Variants in TEX11 observed in about 807,000 individuals in gnomAD.
TEX11 encodes testis expressed 11.
A neutral mutation model predicts 84.4 loss-of-function variants in TEX11; 7 were observed. The ratio of observed to expected loss-of-function variants is 0.08; its 90% CI spans 0.05 to 0.16. The LOEUF is 0.16. TEX11 is among the 10% of genes least tolerant of loss of function. TEX11 has a pLI of 1.00. For synonymous variants in TEX11, 264 were observed against 222.8 expected, an observed-to-expected ratio of 1.18 and a Z score of -1.64; for missense variants, 551 against 660.5, an observed-to-expected ratio of 0.83 and a Z score of 1.82.
At chrX:70,538,906 A>G (rs1320312846) in intron 28 of TEX11, among the ~76,000 whole-genome samples, 1 of 105,533 alleles carries the variant, frequency 9.5e-6, no homozygotes, top group East Asian at 2.9e-4. Context: ...CTTATATAAG[A>G]TTGGCAGAAG....
rs145905065 is a variant in TEX11, at chrX:70,635,453, C to T, written c.1484-5718G>A. Among the ~76,000 whole-genome samples, 5 of 112,467 alleles carry T rather than the reference C, an allele frequency of 4.4e-5. No individual in the cohort carries two copies. In the East Asian group the frequency reaches 8.5e-4, roughly 19 times the overall value. On this transcript the variant is annotated intron_variant, in intron 17 of 29. Coordinates refer to ENST00000374333, the MANE Select transcript of TEX11 (RefSeq NM_031276.3). ...TGCCACATCACCAGGCCAACCCCAG[C>T]GGATTCAGGCTCCAGACTGGCCCCA... is the stretch of plus-strand genomic sequence containing the variant.
rs764860076 is a variant in TEX11 at position 70,810,839 on chromosome X, GA to G, written c.607-4050del. 1.3e-3 allele frequency among the ~76,000 whole-genome samples: 147 copies of G among 110,035 alleles called. 1 individual carries two copies. Among genetic ancestry groups the G allele is most frequent in the Non-Finnish European group, 2.1e-3 (113 of 52,646 alleles). ...CTTTAAAAAATAACAGTGACAACCT[GA>G]GCTAAAAATCAACATTGGTATTTGT... On this transcript the variant is annotated intron_variant, in intron 8 of 29. Coordinates refer to ENST00000374333, the MANE Select transcript of TEX11 (RefSeq NM_031276.3).
intron 20 of TEX11, among the ~76,000 whole-genome samples, chrX:70,616,440 A>G (rs969568998): frequency 8.9e-6 from 1 of 112,025 alleles, no homozygotes; most frequent in African/African-American, 3.2e-5. Context: ...AAAAAACATA[A>G]AACAGATACA....
At chrX:70,665,722 C>T (rs1024028643) in intron 16 of TEX11, among the ~76,000 whole-genome samples, 2 of 111,925 alleles carry the variant, frequency 1.8e-5, no homozygotes, top group African/African-American at 3.2e-5. Context: ...TTTCTCAACT[C>T]CATTGGCCTG....
chrX:70,584,926 G>A (rs746632040), intron 25 of TEX11, among the ~76,000 whole-genome samples: 19 of 111,745 alleles, frequency 1.7e-4, no homozygotes, highest in Non-Finnish European at 3.6e-4. Flanking sequence ...ATACTCAAAG[G>A]TGGAAGCTTA....
chrX:70,765,138 C>A (rs1330427365), intron 9 of TEX11, among the ~76,000 whole-genome samples: 5 of 111,746 alleles, frequency 4.5e-5, no homozygotes, highest in Non-Finnish European at 9.4e-5. Context: ...GTAATCCCAG[C>A]AGTTTGGGAG....
chrX:70,514,647 C>T, the TEX11 span, among the ~76,000 whole-genome samples: 1 of 109,206 alleles, frequency 9.2e-6, no homozygotes, highest in Admixed American at 9.8e-5. Context: ...TGTAACATAC[C>T]ACTGCCCTGC....
chrX:70,544,446 G>T (rs985806346), intron 28 of TEX11, among the ~76,000 whole-genome samples: 13 of 111,144 alleles, frequency 1.2e-4, no homozygotes, highest in African/African-American at 3.9e-4. Context: ...AGGATTGATT[G>T]TACCTGGGAG....
chrX:70,525,444 G>A (rs2087813495), downstream of TEX11, among the ~76,000 whole-genome samples: 1 of 109,990 alleles, frequency 9.1e-6, no homozygotes, highest in Admixed American at 9.8e-5. Context: ...AAAATTAGCC[G>A]AGTGTGGTGG....
At chrX:70,657,885 T>C (rs1172591442) in intron 16 of TEX11, among the ~76,000 whole-genome samples, 6 of 73,315 alleles carry the variant, frequency 8.2e-5, no homozygotes, top group African/African-American at 3.4e-4. Context: ...TGAGAACACA[T>C]GGACACAGGA....
At chrX:70,805,130 TTATA>T (rs898755789) in intron 9 of TEX11, among the ~76,000 whole-genome samples, 5 of 110,449 alleles carry the variant, frequency 4.5e-5, no homozygotes, top group Non-Finnish European at 9.5e-5. Context: ...GAATAGTTCT[TTATA>T]TAGAGTTTGA....
chrX:70,593,162 TAGA>T (rs1208775106), intron 24 of TEX11, among the ~76,000 whole-genome samples: 1 of 109,467 alleles, frequency 9.1e-6, no homozygotes, highest in Non-Finnish European at 1.9e-5. Flanking sequence ...GTGCTACCAA[TAGA>T]AGAAGGTCAT....
chrX:70,794,896 C>T (rs1273182505), intron 9 of TEX11, among the ~76,000 whole-genome samples: 1 of 107,878 alleles, frequency 9.3e-6, no homozygotes, highest in Non-Finnish European at 1.9e-5. Context: ...TGAGCCAACA[C>T]ATTCCCAGCT....
chrX:70,751,344 G>A (rs972861039), intron 9 of TEX11, among the ~76,000 whole-genome samples: 1 of 106,913 alleles, frequency 9.4e-6, no homozygotes, highest in African/African-American at 3.4e-5. Context: ...GGACATGGAT[G>A]AAGCTGGAAA....
chrX:70,845,230 C>A (rs1880436891), intron 7 of TEX11, among the ~76,000 whole-genome samples: 1 of 110,922 alleles, frequency 9.0e-6, no homozygotes, highest in Admixed American at 9.6e-5. Flanking sequence ...GGCATCATCT[C>A]TGCTCACTGC....
chrX:70,560,432 G>A (rs1273643520), intron 25 of TEX11, among the ~76,000 whole-genome samples: 1 of 111,153 alleles, frequency 9.0e-6, no homozygotes, highest in Non-Finnish European at 1.9e-5. Context: ...TTACAGGAAC[G>A]AGCCACTGTG....
At chrX:70,894,300 T>C (rs2091755202) in intron 2 of TEX11, among the ~76,000 whole-genome samples, 1 of 110,694 alleles carries the variant, frequency 9.0e-6, no homozygotes, top group Non-Finnish European at 1.9e-5. Context: ...CCAATATCAC[T>C]GATGAACACT....
chrX:70,562,266 T>A (rs758303578), intron 25 of TEX11, among the ~76,000 whole-genome samples: 10 of 111,915 alleles, frequency 8.9e-5, no homozygotes, highest in Non-Finnish European at 1.7e-4. Context: ...TAGGCTCTTA[T>A]CTTTTTTTTA....
At chrX:70,586,576 G>A (rs200479639) in intron 25 of TEX11, among the ~76,000 whole-genome samples, 3 of 111,779 alleles carry the variant, frequency 2.7e-5, no homozygotes, top group South Asian at 3.7e-4. Flanking sequence ...ATGAAAAGAT[G>A]CTCAACATCT....
Sources: allele counts gnomAD v4.1 joint callset (sites outside exome capture counted in the v4.1 genomes callset), GRCh38; gene constraint gnomAD v4.1.1; transcripts MANE v1.5; gene names NCBI Gene and HGNC (gene_info 2026-07-23, HGNC 2026-07-21).